Variants in IFNAR1 observed in about 807,000 individuals in gnomAD.
IFNAR1 encodes interferon alpha and beta receptor subunit 1.
IFNAR1 carries 47 observed loss-of-function variants against 62.1 expected under a neutral mutation model. The observed-to-expected ratio is 0.76, with a 90% CI of 0.60 to 0.97. The LOEUF (loss-of-function observed/expected upper bound fraction) is 0.97, where lower values mean the gene tolerates loss of function less well. IFNAR1 is among the 50% of genes least tolerant of loss of function. The pLI is 0.00. For synonymous variants in IFNAR1, 219 were observed against 226.9 expected (o/e 0.97, Z 0.31); for missense variants, 638 against 654.5 (o/e 0.97, Z 0.27).
In IFNAR1 at chr21:33,342,430, G is replaced by A. The variant is rs151083164; in HGVS notation, c.377-838G>A. The stretch of plus-strand genomic sequence containing the variant: ...TATCTCAAAAAAAAGTGGGGATCCT[G>A]AGACCAAAAGGTTTGAGAACCACTG... On this transcript the variant is annotated intron_variant, in intron 3 of 10. Coordinates refer to ENST00000270139, the MANE Select transcript of IFNAR1 (RefSeq NM_000629.3). Among the ~76,000 whole-genome samples the A allele has an allele frequency of 4.3e-4, 65 of 151,786 alleles. No individual in the cohort carries two copies. In the East Asian group the frequency reaches 0.012, roughly 27 times the overall value.
chr21:33,333,614 ATT>A (rs59240203), intron 1 of IFNAR1, among the ~76,000 whole-genome samples: 1 of 107,010 alleles, frequency 9.3e-6, no homozygotes, highest in African/African-American at 4.1e-5. Flanking sequence ...CTGGCGGAAT[ATT>A]TTTTTTTTTC....
rs575135100 is a variant in IFNAR1, at chr21:33,352,106, A to G, written c.1144-652A>G. Reference sequence around the variant, plus strand: ...TTAAATAATGCTTGCAAGACCACACAGCTGTAAGTGATACTCTTAATAAGG... The same window carrying G: ...TTAAATAATGCTTGCAAGACCACACGGCTGTAAGTGATACTCTTAATAAGG... On this transcript the variant is annotated intron_variant, in intron 8 of 10. Coordinates refer to ENST00000270139, the MANE Select transcript of IFNAR1 (RefSeq NM_000629.3). Among the ~76,000 whole-genome samples the G allele has an allele frequency of 2.0e-5, 3 of 152,282 alleles. No individual in the cohort carries two copies. The South Asian group carries it at 6.2e-4, about 32-fold the overall frequency.
At chr21:33,341,679 ATTTC>A (rs1467759360) in intron 3 of IFNAR1, among the ~76,000 whole-genome samples, 2 of 151,512 alleles carry the variant, frequency 1.3e-5, no homozygotes, top group Admixed American at 6.6e-5. Context: ...TATCATTGTT[ATTTC>A]TTTCTTTTTT....
chr21:33,340,933 A>G, intron 2 of IFNAR1, 66 bp from the exon 3 acceptor site: 1 of 984,506 alleles, frequency 1.0e-6, no homozygotes, highest in Admixed American at 2.1e-5. Flanking sequence ...ACCAGTAAAT[A>G]GAAAGTATTT....
At chr21:33,351,792 T>G (rs530228246) in intron 8 of IFNAR1, among the ~76,000 whole-genome samples, 1 of 152,106 alleles carries the variant, frequency 6.6e-6, no homozygotes, top group Non-Finnish European at 1.5e-5. Flanking sequence ...GTGGTTGTTT[T>G]GGAAATAGGG....
rs556380309 is a variant in IFNAR1 at position 33,347,376 on chromosome 21, C to T, written c.789-1715C>T. Among the ~76,000 whole-genome samples the T allele has an allele frequency of 3.3e-5, 5 of 152,094 alleles. No homozygotes were observed. The South Asian group carries it at 8.3e-4, about 25-fold the overall frequency. On this transcript the variant is annotated intron_variant, in intron 6 of 10. Coordinates refer to ENST00000270139, the MANE Select transcript of IFNAR1 (RefSeq NM_000629.3). ...AACTCCTGACTTCAGGTGATCCACC[C>T]GCCTCAGCCTCCCAAAGTTCTGGGA...
rs1362995657 is a variant in IFNAR1 at position 33,356,559 on chromosome 21, C to G, written c.*1010C>G. On this transcript the variant is annotated 3_prime_UTR_variant, in exon 11 of 11. Transcript: ENST00000270139. ...GGCAATCTTTTACTATGCATTAAGACCTCTGATTCAAAACTTATTAGAACA... is the reference window on the plus strand; with the variant it reads ...GGCAATCTTTTACTATGCATTAAGAGCTCTGATTCAAAACTTATTAGAACA... 2 of 152,168 alleles carry G rather than the reference C, an allele frequency of 1.3e-5. No individual in the cohort carries two copies. Among genetic ancestry groups the G allele is most frequent in the African/African-American group, 4.8e-5 (2 of 41,430 alleles). 9.4% of individuals were successfully genotyped at this position (152,168 alleles called of 1,614,324 possible). A position where few individuals can be genotyped will look rare whatever the true frequency, so the allele number is the denominator to read the frequency against.
chr21:33,344,009 G>GGCGT (rs2083319891), intron 5 of IFNAR1, among the ~76,000 whole-genome samples: 1 of 152,176 alleles, frequency 6.6e-6, no homozygotes, highest in Non-Finnish European at 1.5e-5. Context: ...TAATTAGCTG[G>GGCGT]GCGTGGTGGC....
At position 33,352,839 on chromosome 21, in the gene IFNAR1, C is replaced by T. The variant is rs747603482; in HGVS notation, c.1225C>T (p.His409Tyr). The change falls in exon 9 of 11, where the codon CAC becomes TAC. Residue 409 changes from histidine to tyrosine, a missense_variant. Physicochemically the swap from His to Tyr is moderately conservative, Grantham distance 83 (BLOSUM62 2). Coordinates refer to ENST00000270139, the MANE Select transcript of IFNAR1 (RefSeq NM_000629.3). Reference sequence around the variant, plus strand: ...TGTATATTGTGTGAAAGCCAGAGCACACACCATGGATGAAAAGCTGAATAA... The same window carrying T: ...TGTATATTGTGTGAAAGCCAGAGCATACACCATGGATGAAAAGCTGAATAA... Reference protein sequence around the residue: ...LTVYCVKARAHTMDEKLNKSS... With the variant: ...LTVYCVKARAYTMDEKLNKSS... The T allele has an allele frequency of 1.2e-6, 2 of 1,605,990 alleles. No individual in the cohort carries two copies. The highest frequency in any genetic ancestry group is 1.7e-5 in the Admixed American group (1 of 59,932).
chr21:33,357,379 C>T lies in IFNAR1; in HGVS notation c.*1830C>T, dbSNP rs1219404513. 3 of 152,216 alleles carry T rather than the reference C, an allele frequency of 2.0e-5. No homozygotes were observed. The highest frequency in any genetic ancestry group is 4.8e-5 in the African/African-American group (2 of 41,436). 9.4% of individuals were successfully genotyped at this position (152,216 alleles called of 1,614,324 possible). ...ACATACACGTGTCTGCAGGCCACAC[C>T]GTGCATGTCCCCAGACCTGCCGCCT... On this transcript the variant is annotated 3_prime_UTR_variant, in exon 11 of 11. Transcript: ENST00000270139.
chr21:33,325,273 C>G lies in IFNAR1; in HGVS notation c.76+142C>G, dbSNP rs557280298. ...CACTTTGCCGCGCCAAAGATTAAAC[C>G]CGACCTGGGCTCGCAAATCAACCAG... On this transcript the variant is annotated intron_variant, in intron 1 of 10. Transcript: ENST00000270139. The G allele has an allele frequency of 4.2e-4, 296 of 712,992 alleles. 7 individuals are homozygous for G. In the South Asian group the frequency reaches 4.8e-3, roughly 12 times the overall value. The allele number at this position is 712,992 out of a possible 1,614,324, so 44.2% of individuals were successfully genotyped here. A position where few individuals can be genotyped will look rare whatever the true frequency, so the allele number is the denominator to read the frequency against.
Position 33,356,895 on chromosome 21 carries a change from C to T in IFNAR1, c.*1346C>T, listed in dbSNP as rs755004335. On this transcript the variant is annotated 3_prime_UTR_variant, in exon 11 of 11. Coordinates refer to ENST00000270139, the MANE Select transcript of IFNAR1 (RefSeq NM_000629.3). ...TCAACCCACTCTTGTTATGGGTGGTCTCTGTCACTTTGAATGCCAGGCTGG... is the reference window on the plus strand; with the variant it reads ...TCAACCCACTCTTGTTATGGGTGGTTTCTGTCACTTTGAATGCCAGGCTGG... 6.6e-6 allele frequency: 1 copy of T among 152,192 alleles called. No homozygotes were observed. Among genetic ancestry groups the T allele is most frequent in the African/African-American group, 2.4e-5 (1 of 41,436 alleles). The allele number at this position is 152,192 out of a possible 1,614,324, so 9.4% of individuals were successfully genotyped here. A position where few individuals can be genotyped will look rare whatever the true frequency, so the allele number is the denominator to read the frequency against.
chr21:33,343,176 G>C lies in IFNAR1; in HGVS notation c.377-92G>C, dbSNP rs1268128473. 1.1e-5 allele frequency: 11 copies of C among 1,009,612 alleles called. No individual in the cohort carries two copies. In the African/African-American group the frequency reaches 1.4e-4, roughly 13 times the overall value. The allele number at this position is 1,009,612 out of a possible 1,614,324, so 62.5% of individuals were successfully genotyped here. A position where few individuals can be genotyped will look rare whatever the true frequency, so the allele number is the denominator to read the frequency against. ...TGCTCTTAACTCCCAGAAGTGGCAG[G>C]CACATATTAAGTGCTCAGAATTATT... On this transcript the variant is annotated intron_variant, in intron 3 of 10. Coordinates refer to ENST00000270139, the MANE Select transcript of IFNAR1 (RefSeq NM_000629.3).
chr21:33,345,125 T>C (rs2123251395), intron 5 of IFNAR1, 121 bp from the exon 6 acceptor site: 1 of 630,476 alleles, frequency 1.6e-6, no homozygotes, highest in East Asian at 2.7e-5. Flanking sequence ...TTACATAGTG[T>C]GAATACAAAC....
rs139423725 is a variant in IFNAR1 at position 33,345,105 on chromosome 21, C to T, written c.674-141C>T. 1.7e-3 allele frequency: 977 copies of T among 569,106 alleles called. 11 individuals are homozygous for T. The highest frequency in any genetic ancestry group is 0.017 in the African/African-American group (870 of 51,554). The allele number at this position is 569,106 out of a possible 1,614,324, so 35.3% of individuals were successfully genotyped here. On this transcript the variant is annotated intron_variant, in intron 5 of 10. Coordinates refer to ENST00000270139, the MANE Select transcript of IFNAR1 (RefSeq NM_000629.3). ...GCCCGGCCTGTAGTCTTTCAAATGG[C>T]TGCATAGTATTACATAGTGTGAATA...
intron 5 of IFNAR1, 32 bp from the exon 6 acceptor site, chr21:33,345,214 G>T (rs758058124): frequency 3.9e-6 from 4 of 1,034,930 alleles, no homozygotes; most frequent in Non-Finnish European, 6.0e-6. Flanking sequence ...GTAAAAATGT[G>T]TGCTTTTTTT....
chr21:33,338,410 T>C (rs986670100), intron 2 of IFNAR1, among the ~76,000 whole-genome samples: 1 of 135,344 alleles, frequency 7.4e-6, no homozygotes, highest in Non-Finnish European at 1.6e-5. Context: ...TGGTGCGTGC[T>C]GTAATCCCAC....
At position 33,355,531 on chromosome 21, in the gene IFNAR1, A is replaced by G. The variant is rs2083439408; in HGVS notation, c.1656A>G (p.Leu552=). The change falls in exon 11 of 11, where the codon CTA becomes CTG. Residue 552 remains leucine (L), a synonymous_variant. Coordinates refer to ENST00000270139, the MANE Select transcript of IFNAR1 (RefSeq NM_000629.3). ...GCGAAAGTAAAACAAGTGAAGAACT[A>G]CAGCAGGACTTTGTATGACCAGAAA... ...DESESKTSEE[L]QQDFV The G allele has an allele frequency of 3.8e-6, 6 of 1,583,986 alleles. No individual in the cohort carries two copies. In the East Asian group the frequency reaches 1.3e-4, roughly 36 times the overall value.
At chr21:33,324,892 GGT>G (rs36158718), upstream of IFNAR1, 2 of 571,546 alleles carry the variant, frequency 3.5e-6, no homozygotes, top group African/African-American at 1.9e-5. Flanking sequence ...GCGGAGGGGC[GGT>G]GTGTGTGTCA....
Sources: gnomAD v4.1 joint callset for allele counts (sites outside exome capture counted in the v4.1 genomes callset) on GRCh38, gnomAD v4.1.1 for gene constraint, MANE v1.5 for transcripts, NCBI Gene and HGNC (gene_info 2026-07-23, HGNC 2026-07-21) for gene names.